PHF2: variants seen among roughly 807,000 people sequenced by gnomAD.
The protein encoded by PHF2 is PHD finger protein 2, also known as lysine-specific demethylase PHF2.
A neutral mutation model predicts 120.5 loss-of-function variants in PHF2; 27 were observed. The ratio of observed to expected loss-of-function variants is 0.22; its 90% CI spans 0.17 to 0.31. The LOEUF (loss-of-function observed/expected upper bound fraction) is 0.31, where lower values mean the gene tolerates loss of function less well. Among genes scored for constraint, PHF2 ranks in the 10% least tolerant of loss-of-function variants. The probability of loss-of-function intolerance (pLI) is 1.00; values close to 1 mark genes in which losing one functional copy is unlikely to be tolerated. For synonymous variants in PHF2, 568 were observed against 592.5 expected (o/e 0.96, Z 0.60); for missense variants, 1,024 against 1,434.8 (o/e 0.71, Z 4.63).
chr9:93,589,704 G>A (rs1863132815), intron 1 of PHF2, among the ~76,000 whole-genome samples: 1 of 152,200 alleles, frequency 6.6e-6, no homozygotes, highest in Admixed American at 6.5e-5. Context: ...ATTAGCACAT[G>A]GTAAGAAAAA....
At chr9:93,601,207 G>A (rs60423599) in intron 1 of PHF2, among the ~76,000 whole-genome samples, 2,789 of 152,262 alleles carry the variant, frequency 0.018, 91 homozygotes, top group African/African-American at 0.062. Flanking sequence ...TACTGAAACC[G>A]TGCAGATTGG....
chr9:93,611,052 C>T (rs1370884466), intron 1 of PHF2, among the ~76,000 whole-genome samples: 2 of 152,236 alleles, frequency 1.3e-5, no homozygotes, highest in Non-Finnish European at 2.9e-5. Context: ...GCAACTTTCT[C>T]TGGAAGTTCT....
intron 2 of PHF2, among the ~76,000 whole-genome samples, chr9:93,634,475 C>A (rs1483550092): frequency 6.6e-6 from 1 of 152,200 alleles, no homozygotes; most frequent in African/African-American, 2.4e-5. Context: ...TTGGGTAACA[C>A]CTGCTCCAGC....
chr9:93,619,337 A>G (rs545532811), intron 1 of PHF2, among the ~76,000 whole-genome samples: 1 of 152,298 alleles, frequency 6.6e-6, no homozygotes, highest in South Asian at 2.1e-4. Context: ...CTTGATCCTC[A>G]CTGGCCGAGG....
intron 5 of PHF2, 43 bp from the exon 6 acceptor site, chr9:93,653,136 G>T (rs750129605): frequency 1.9e-6 from 3 of 1,580,008 alleles, no homozygotes; most frequent in South Asian, 2.2e-5. Flanking sequence ...AAATAAAAAA[G>T]GGAGTCCCAG....
chr9:93,674,025 G>A (rs1269245126), intron 18 of PHF2, among the ~76,000 whole-genome samples, 163 bp downstream of exon 18: 1 of 152,230 alleles, frequency 6.6e-6, no homozygotes, highest in Non-Finnish European at 1.5e-5. Context: ...CCTCCTGTGA[G>A]CGAGACTGGC....
intron 16 of PHF2, 110 bp from the exon 17 acceptor site, chr9:93,666,970 T>G: frequency 1.7e-6 from 1 of 584,464 alleles, no homozygotes; most frequent in Non-Finnish European, 2.6e-6. Flanking sequence ...AATAAAAATG[T>G]TAAAAAACTA....
At chr9:93,657,382 G>A (rs1008177755) in intron 9 of PHF2, among the ~76,000 whole-genome samples, 3 of 152,180 alleles carry the variant, frequency 2.0e-5, no homozygotes, top group Non-Finnish European at 2.9e-5. Context: ...CCCCAAATCT[G>A]GAGCCCTGAG....
intron 1 of PHF2, among the ~76,000 whole-genome samples, chr9:93,608,024 G>GAGAGA (rs1825573700): frequency 7.0e-6 from 1 of 142,676 alleles, no homozygotes; most frequent in Non-Finnish European, 1.5e-5. Flanking sequence ...AAAGGAGGAA[G>GAGAGA]GAAAGAAAGG....
Position 93,645,655 on chromosome 9 carries a change from C to T in PHF2, c.326C>T (p.Pro109Leu), listed in dbSNP as rs202067146. 8.1e-6 allele frequency: 13 copies of T among 1,607,898 alleles called. No individual in the cohort carries two copies. In the African/African-American group the frequency reaches 9.3e-5, roughly 12 times the overall value. The change falls in exon 4 of 22, where the codon CCA (proline) becomes CTA (leucine). Residue 109 changes from proline (P) to leucine (L), a missense_variant. This residue lies in a region of PHF2 where 347 missense variants were observed against 577.4 expected (regional missense o/e 0.60). Coordinates refer to ENST00000359246, the MANE Select transcript of PHF2 (RefSeq NM_005392.4). ...PSAEDVVARV[P>L]GSQLTLGYME... ...GCTGAAGACGTGGTGGCCCGTGTGC[C>T]AGGAAGTCAGCTCACGCTGGGCTAC...
In PHF2 at chr9:93,676,541, G is replaced by A. The variant is rs79054517; in HGVS notation, c.2833-53G>A. ...GGCCATGCCGGGAGCTCCCTGCTCT[G>A]TTGGCCCAAGTGGGCTGTGCGTCTG... On this transcript the variant is annotated intron_variant, in intron 20 of 21. Coordinates refer to ENST00000359246, the MANE Select transcript of PHF2 (RefSeq NM_005392.4). 6,015 of 1,547,106 alleles carry A rather than the reference G, an allele frequency of 3.9e-3. 198 individuals carry two copies. In the African/African-American group the frequency reaches 0.072, roughly 18 times the overall value.
chr9:93,581,328 G>A (rs185460144), intron 1 of PHF2, among the ~76,000 whole-genome samples: 5 of 152,294 alleles, frequency 3.3e-5, no homozygotes, highest in African/African-American at 9.6e-5. Flanking sequence ...GTGTGTGTGC[G>A]AGAGGGAAGG....
In PHF2 at chr9:93,650,028, AAC is replaced by A. The variant is rs748728055; in HGVS notation, c.602+821_602+822del. 9.2e-5 allele frequency among the ~76,000 whole-genome samples: 14 copies of A among 151,830 alleles called. No homozygotes were observed. The East Asian group carries it at 9.7e-4, about 11-fold the overall frequency. ...ACTCACACTCACGGACACACTCGCC[AAC>A]ACACGACACATTCACAACACACCGA... On this transcript the variant is annotated intron_variant, in intron 5 of 21. Coordinates refer to ENST00000359246, the MANE Select transcript of PHF2 (RefSeq NM_005392.4).
chr9:93,595,410 G>A (rs2131610128), intron 1 of PHF2, among the ~76,000 whole-genome samples: 1 of 152,340 alleles, frequency 6.6e-6, no homozygotes, highest in South Asian at 2.1e-4. Context: ...ACAATATGAG[G>A]AGCCGCTTTC....
chr9:93,661,450 A>G (rs1053878427), intron 12 of PHF2, among the ~76,000 whole-genome samples: 1 of 152,066 alleles, frequency 6.6e-6, no homozygotes, highest in Non-Finnish European at 1.5e-5. Context: ...TGAATGGATG[A>G]ACAGACGGAT....
intron 2 of PHF2, 119 bp downstream of exon 2, chr9:93,630,174 C>T (rs994274584): frequency 1.9e-5 from 18 of 947,582 alleles, no homozygotes; most frequent in African/African-American, 1.6e-4. Context: ...GGGGGCAAAA[C>T]GCCCTGAGTA....
chr9:93,652,573 G>T (rs889787746), intron 5 of PHF2, among the ~76,000 whole-genome samples: 1 of 151,950 alleles, frequency 6.6e-6, no homozygotes, highest in Non-Finnish European at 1.5e-5. Context: ...TTACAGATGT[G>T]AGCCACCATG....
chr9:93,616,591 T>A (rs1427609744), intron 1 of PHF2, among the ~76,000 whole-genome samples: 1 of 149,016 alleles, frequency 6.7e-6, no homozygotes, highest in East Asian at 2.0e-4. Flanking sequence ...TCTGCCTGTC[T>A]GCCTCACCTC....
intron 1 of PHF2, among the ~76,000 whole-genome samples, chr9:93,599,501 G>T (rs1178029964): frequency 6.6e-6 from 1 of 152,250 alleles, no homozygotes; most frequent in South Asian, 2.1e-4. Context: ...GATGGAGTGC[G>T]TGGAGGTTGG....
Sources: allele counts gnomAD v4.1 joint callset (sites outside exome capture counted in the v4.1 genomes callset), GRCh38; gene constraint gnomAD v4.1.1; regional missense constraint gnomAD v4.1.1; transcripts MANE v1.5; gene names NCBI Gene and HGNC (gene_info 2026-07-23, HGNC 2026-07-21).